Variants in HTR2C observed in about 807,000 individuals in gnomAD.
The protein encoded by HTR2C is 5-hydroxytryptamine (serotonin) receptor 2C, G protein-coupled.
Under a neutral mutation model 21.0 loss-of-function variants are expected in HTR2C, and 5 were observed. The ratio of observed to expected loss-of-function variants is 0.24; its 90% CI spans 0.12 to 0.50. HTR2C has a LOEUF of 0.50. HTR2C is among the 20% of genes least tolerant of loss of function. The pLI is 0.98. For synonymous variants in HTR2C, 150 were observed against 145.3 expected, an observed-to-expected ratio of 1.03 and a Z score of -0.23; for missense variants, 271 against 371.2, an observed-to-expected ratio of 0.73 and a Z score of 2.22.
In HTR2C at chrX:114,762,351, A is replaced by G. The variant is rs190901840; in HGVS notation, c.349+30744A>G. Among the ~76,000 whole-genome samples, 112 of 111,200 alleles carry G rather than the reference A, an allele frequency of 1.0e-3. 1 individual carries two copies. The highest frequency in any genetic ancestry group is 3.6e-3 in the African/African-American group (109 of 30,633). On this transcript the variant is annotated intron_variant, in intron 4 of 5. Coordinates refer to ENST00000276198, the MANE Select transcript of HTR2C (RefSeq NM_000868.4). ...CTGGGGATTTTCAAGGATTCCATCA[A>G]AAGTTACTCACTGGAGTCCAAGTTG...
chrX:114,594,345 G>A (rs1296216561), intron 1 of HTR2C, among the ~76,000 whole-genome samples: 2 of 111,026 alleles, frequency 1.8e-5, no homozygotes, highest in Non-Finnish European at 3.8e-5. Flanking sequence ...CATCTTGAAC[G>A]GTGAATCATA....
chrX:114,656,317 C>T (rs1387225444), intron 2 of HTR2C, among the ~76,000 whole-genome samples: 1 of 111,325 alleles, frequency 9.0e-6, no homozygotes, highest in Non-Finnish European at 1.9e-5. Context: ...TAGAGTATTG[C>T]TTCAACATGA....
At chrX:114,716,727 C>A (rs1287269421) in intron 2 of HTR2C, among the ~76,000 whole-genome samples, 1 of 111,428 alleles carries the variant, frequency 9.0e-6, no homozygotes, top group Non-Finnish European at 1.9e-5. Context: ...ATTAGAAAAT[C>A]GCTAGAGTAC....
At chrX:114,624,895 G>A (rs1050578961) in intron 2 of HTR2C, among the ~76,000 whole-genome samples, 16 of 111,779 alleles carry the variant, frequency 1.4e-4, no homozygotes, top group Admixed American at 1.2e-3. Context: ...TGAAGAAAGG[G>A]CAAGATTAGC....
intron 2 of HTR2C, among the ~76,000 whole-genome samples, chrX:114,633,943 T>TAGAGAGAGAGAG (rs1467134664): frequency 3.3e-3 from 70 of 21,386 alleles, no homozygotes; most frequent in Non-Finnish European, 5.2e-3. Context: ...TATATATATA[T>TAGAGAGAGAGAG]ATATAGAGAG....
intron 2 of HTR2C, among the ~76,000 whole-genome samples, chrX:114,708,372 C>A (rs952231859): frequency 8.9e-6 from 1 of 112,020 alleles, no homozygotes; most frequent in Non-Finnish European, 1.9e-5. Flanking sequence ...GTCTTTGGAA[C>A]CCAAAGTTCT....
chrX:114,669,734 T>G (rs2147847580), intron 2 of HTR2C, among the ~76,000 whole-genome samples: 1 of 112,280 alleles, frequency 8.9e-6, no homozygotes, highest in Non-Finnish European at 1.9e-5. Context: ...AGAGTACTTT[T>G]ACACAATAAA....
At chrX:114,814,573 A>G (rs1556453755) in intron 4 of HTR2C, among the ~76,000 whole-genome samples, 1 of 108,629 alleles carries the variant, frequency 9.2e-6, no homozygotes, top group Non-Finnish European at 1.9e-5. Context: ...ATATTAGATA[A>G]TCAACATTTA....
In HTR2C at chrX:114,751,946, A is replaced by G. The variant is rs782760604; in HGVS notation, c.349+20339A>G. ...TACTTTTCATTAAAATAGAAAACAA[A>G]AACAAAAAGGAAATAACAACTATAA... On this transcript the variant is annotated intron_variant, in intron 4 of 5. Coordinates refer to ENST00000276198, the MANE Select transcript of HTR2C (RefSeq NM_000868.4). Among the ~76,000 whole-genome samples the G allele has an allele frequency of 3.6e-5, 4 of 111,886 alleles. No homozygotes were observed. The South Asian group carries it at 1.5e-3, about 42-fold the overall frequency.
chrX:114,618,932 A>G (rs1359587266), intron 2 of HTR2C, among the ~76,000 whole-genome samples: 1 of 111,524 alleles, frequency 9.0e-6, no homozygotes, highest in Non-Finnish European at 1.9e-5. Context: ...AACTAATACT[A>G]AAGTAATAAT....
intron 4 of HTR2C, among the ~76,000 whole-genome samples, chrX:114,826,387 A>G (rs1556458491): frequency 8.9e-6 from 1 of 112,023 alleles, no homozygotes; most frequent in East Asian, 2.8e-4. Flanking sequence ...CTTTTTGAAC[A>G]TCTATATGGT....
At chrX:114,651,869 G>A (rs1432824331) in intron 2 of HTR2C, among the ~76,000 whole-genome samples, 1 of 111,652 alleles carries the variant, frequency 9.0e-6, no homozygotes, top group African/African-American at 3.2e-5. Context: ...TTAGCTTTCA[G>A]TAGCAGTTAG....
chrX:114,746,312 T>C (rs782668887), intron 4 of HTR2C, among the ~76,000 whole-genome samples: 15 of 111,115 alleles, frequency 1.3e-4, no homozygotes, highest in African/African-American at 4.6e-4. Flanking sequence ...GACCTTATAA[T>C]CAAGAAAATT....
chrX:114,603,214 G>C (rs1348871672), intron 1 of HTR2C, among the ~76,000 whole-genome samples: 1 of 113,005 alleles, frequency 8.8e-6, no homozygotes, highest in Non-Finnish European at 1.9e-5. Flanking sequence ...AATTGTGGGA[G>C]ACTCAACAAA....
At chrX:114,892,193 T>C (rs782762887) in intron 5 of HTR2C, among the ~76,000 whole-genome samples, 1 of 111,994 alleles carries the variant, frequency 8.9e-6, no homozygotes, top group Non-Finnish European at 1.9e-5. Context: ...AATCATAAAA[T>C]TGGTTAGAAA....
intron 5 of HTR2C, among the ~76,000 whole-genome samples, chrX:114,875,587 T>C (rs1472675249): frequency 1.8e-5 from 2 of 111,465 alleles, no homozygotes; most frequent in Non-Finnish European, 3.8e-5. Context: ...GTTAATATGA[T>C]AAGGATACAG....
At chrX:114,749,003 AATAG>A (rs1480429163) in intron 4 of HTR2C, among the ~76,000 whole-genome samples, 1 of 111,929 alleles carries the variant, frequency 8.9e-6, no homozygotes, top group African/African-American at 3.2e-5. Flanking sequence ...TTGTATCCTG[AATAG>A]ATAAAGAACT....
chrX:114,626,319 G>A (rs1447851423), intron 2 of HTR2C, among the ~76,000 whole-genome samples: 4 of 107,943 alleles, frequency 3.7e-5, no homozygotes, highest in African/African-American at 1.4e-4. Context: ...AGCCCAGGAG[G>A]TTGAGGCTGC....
At chrX:114,704,946 T>A (rs1932721579) in intron 2 of HTR2C, among the ~76,000 whole-genome samples, 1 of 106,867 alleles carries the variant, frequency 9.4e-6, no homozygotes, top group African/African-American at 3.4e-5. Flanking sequence ...ATGAGTGAAC[T>A]CCCATTCACA....
Sources: allele counts gnomAD v4.1 joint callset (sites outside exome capture counted in the v4.1 genomes callset), GRCh38; gene constraint gnomAD v4.1.1; transcripts MANE v1.5; gene names NCBI Gene and HGNC (gene_info 2026-07-23, HGNC 2026-07-21).